The following TBC1D22A variants were observed in gnomAD, a reference collection of about 807,000 sequenced individuals.
The protein encoded by TBC1D22A is TBC1 domain family member 22A.
A neutral mutation model predicts 60.2 loss-of-function variants in TBC1D22A; 38 were observed. The observed-to-expected ratio is 0.63, with a 90% CI of 0.49 to 0.83. The LOEUF (loss-of-function observed/expected upper bound fraction) is 0.83. TBC1D22A is among the 40% of genes least tolerant of loss of function. The probability of loss-of-function intolerance (pLI) is 0.00; values close to 1 mark genes in which losing one functional copy is unlikely to be tolerated. For missense variants in TBC1D22A, 628 were observed against 701.0 expected (o/e 0.90, Z 1.18); for synonymous variants, 302 against 281.7 (o/e 1.07, Z -0.72).
chr22:46,949,639 G>A (rs2072776279), intron 8 of TBC1D22A, among the ~76,000 whole-genome samples: 1 of 152,240 alleles, frequency 6.6e-6, no homozygotes, highest in African/African-American at 2.4e-5. Context: ...TCATCCATCT[G>A]CCGACCAGGT....
chr22:46,947,932 T>C (rs2072652754), intron 8 of TBC1D22A, among the ~76,000 whole-genome samples: 1 of 152,196 alleles, frequency 6.6e-6, no homozygotes, highest in Admixed American at 6.5e-5. Flanking sequence ...TTCAGAAAAA[T>C]TGCCAGGGCT....
chr22:47,025,313 G>A (rs979996036), intron 10 of TBC1D22A, among the ~76,000 whole-genome samples: 1 of 152,106 alleles, frequency 6.6e-6, no homozygotes, highest in African/African-American at 2.4e-5. Flanking sequence ...TTTGCACATG[G>A]AACATTTACC....
intron 10 of TBC1D22A, among the ~76,000 whole-genome samples, chr22:47,036,864 C>T (rs2062674060): frequency 6.6e-6 from 1 of 152,252 alleles, no homozygotes; most frequent in Non-Finnish European, 1.5e-5. Flanking sequence ...AGCAGCACCA[C>T]CATCTTTCGC....
At chr22:46,843,036 T>C (rs1192673048) in intron 4 of TBC1D22A, among the ~76,000 whole-genome samples, 2 of 152,194 alleles carry the variant, frequency 1.3e-5, no homozygotes, top group African/African-American at 4.8e-5. Flanking sequence ...GAGCACACTG[T>C]GCGTACCTGA....
At position 46,941,208 on chromosome 22, in the gene TBC1D22A, T is replaced by TACACACACACACACACACAC. The variant is rs71315174; in HGVS notation, c.1015+29030_1015+29049dup. ...GAATATATATATATGTATATATGTA[T>TACACACACACACACACACAC]ACACACACACACACACACACACACA... is the stretch of plus-strand genomic sequence containing the variant. On this transcript the variant is annotated intron_variant, in intron 8 of 12. Transcript: ENST00000337137. Among the ~76,000 whole-genome samples the TACACACACACACACACACAC allele has an allele frequency of 1.3e-3, 107 of 84,878 alleles. 4 individuals carry two copies. The highest frequency in any genetic ancestry group is 1.7e-3 in the Non-Finnish European group (74 of 44,410). The allele number at this position is 84,878 out of a possible 152,430, so 55.7% of individuals were successfully genotyped here. A position where few individuals can be genotyped will look rare whatever the true frequency, so the allele number is the denominator to read the frequency against.
At chr22:47,086,221 T>C (rs2064678517) in intron 11 of TBC1D22A, among the ~76,000 whole-genome samples, 1 of 152,092 alleles carries the variant, frequency 6.6e-6, no homozygotes, top group Admixed American at 6.6e-5. Flanking sequence ...TCCCAGCACT[T>C]TGGGAGGCTG....
chr22:47,083,453 C>T (rs1603248830), intron 11 of TBC1D22A, among the ~76,000 whole-genome samples: 1 of 152,010 alleles, frequency 6.6e-6, no homozygotes, highest in Admixed American at 6.6e-5. Flanking sequence ...CCTGAGCTTC[C>T]GTGGGCGAGA....
At chr22:46,825,123 C>T (rs555020853) in intron 4 of TBC1D22A, among the ~76,000 whole-genome samples, 3 of 152,204 alleles carry the variant, frequency 2.0e-5, no homozygotes, top group African/African-American at 4.8e-5. Flanking sequence ...AAGGCATTTG[C>T]GTGTGCAGCA....
intron 11 of TBC1D22A, among the ~76,000 whole-genome samples, chr22:47,079,008 T>TAC (rs1350438733): frequency 6.6e-6 from 1 of 151,828 alleles, no homozygotes; most frequent in African/African-American, 2.4e-5. Context: ...CCTGTATATA[T>TAC]ACGAACAAGA....
At chr22:46,805,115 C>T (rs2085071819) in intron 4 of TBC1D22A, among the ~76,000 whole-genome samples, 1 of 152,208 alleles carries the variant, frequency 6.6e-6, no homozygotes, top group South Asian at 2.1e-4. Context: ...TTGTGTCCAT[C>T]TGCCCATTAG....
In TBC1D22A at chr22:46,891,238, G is replaced by A. The variant is rs369128828; in HGVS notation, c.709-28G>A. On this transcript the variant is annotated intron_variant, in intron 5 of 12. Transcript: ENST00000337137. ...GACTCCATGAATTAGCTATAACCAT[G>A]TATATTTTTTGTTTATTTCTCACCC... 6.0e-5 allele frequency: 95 copies of A among 1,590,182 alleles called. No individual in the cohort carries two copies. The African/African-American group carries it at 1.1e-3, about 19-fold the overall frequency.
chr22:46,947,453 C>T (rs549158751), intron 8 of TBC1D22A, among the ~76,000 whole-genome samples: 6 of 152,298 alleles, frequency 3.9e-5, no homozygotes, highest in East Asian at 1.9e-4. Context: ...AGTCCTCCAC[C>T]GTCATCTAAC....
chr22:47,140,734 T>C (rs1015181110), intron 12 of TBC1D22A, among the ~76,000 whole-genome samples: 4 of 152,212 alleles, frequency 2.6e-5, no homozygotes. Context: ...CCTGGCGGCT[T>C]GGGCCTGGGG....
chr22:46,841,044 ATGGGTGTGTGTGTGTG>A (rs367765750), intron 4 of TBC1D22A, among the ~76,000 whole-genome samples: 1 of 54,042 alleles, frequency 1.9e-5, no homozygotes, highest in African/African-American at 5.3e-5. Context: ...AGTAATGAAA[ATGGGTGTGTGTGTGTG>A]TGTGTGTGTG....
At chr22:47,139,346 T>C (rs2066994526) in intron 12 of TBC1D22A, among the ~76,000 whole-genome samples, 2 of 152,180 alleles carry the variant, frequency 1.3e-5, no homozygotes, top group African/African-American at 4.8e-5. Context: ...GGTGCTGACG[T>C]GGCCGCACCT....
intron 11 of TBC1D22A, among the ~76,000 whole-genome samples, chr22:47,050,209 T>C (rs982769868): frequency 6.6e-6 from 1 of 152,118 alleles, no homozygotes; most frequent in Non-Finnish European, 1.5e-5. Context: ...TTCACCCTGT[T>C]GGCCAGGCTG....
chr22:46,846,137 G>GGCAGCAATGTGCCGAGTGCTA (rs2086979971), intron 4 of TBC1D22A, among the ~76,000 whole-genome samples: 1 of 152,242 alleles, frequency 6.6e-6, no homozygotes, highest in East Asian at 1.9e-4. Context: ...GCATCTGGAA[G>GGCAGCAATGTGCCGAGTGCTA]GCAGCAATGT....
chr22:46,889,513 G>A (rs2068284035), intron 5 of TBC1D22A, among the ~76,000 whole-genome samples: 3 of 152,140 alleles, frequency 2.0e-5, no homozygotes, highest in Non-Finnish European at 4.4e-5. Context: ...CGACTCCTAG[G>A]TATTTAACCA....
At chr22:47,041,735 G>C (rs1416580125) in intron 11 of TBC1D22A, among the ~76,000 whole-genome samples, 1 of 152,198 alleles carries the variant, frequency 6.6e-6, no homozygotes, top group Non-Finnish European at 1.5e-5. Flanking sequence ...AAGGTTTTTC[G>C]AGTGAGGATT....
Sources: allele counts gnomAD v4.1 joint callset (sites outside exome capture counted in the v4.1 genomes callset), GRCh38; gene constraint gnomAD v4.1.1; transcripts MANE v1.5; gene names NCBI Gene and HGNC (gene_info 2026-07-23, HGNC 2026-07-21).